The following HEPHL1 variants were observed in gnomAD, a reference collection of about 807,000 sequenced individuals.
HEPHL1 encodes the protein hephaestin like 1, also known as ferroxidase HEPHL1.
In HEPHL1, 123 loss-of-function variants were observed where a neutral mutation model predicts 122.0. The ratio of observed to expected loss-of-function variants is 1.01; its 90% CI spans 0.87 to 1.17. The LOEUF (loss-of-function observed/expected upper bound fraction) is 1.17. Among genes scored for constraint, HEPHL1 ranks in the 50% most tolerant of loss-of-function variants. The pLI is 0.00. For missense variants in HEPHL1, 1,452 were observed against 1,430.5 expected (o/e 1.01, Z -0.24); for synonymous variants, 527 against 508.9 (o/e 1.04, Z -0.48).
chr11:94,079,392 A>C (rs1251623988), intron 9 of HEPHL1, among the ~76,000 whole-genome samples: 2 of 152,206 alleles, frequency 1.3e-5, no homozygotes. Flanking sequence ...TTTTATTCTG[A>C]AAAATTTCAA....
At chr11:94,025,279 C>T (rs1945614973) in intron 1 of HEPHL1, among the ~76,000 whole-genome samples, 1 of 152,148 alleles carries the variant, frequency 6.6e-6, no homozygotes, top group Non-Finnish European at 1.5e-5. Flanking sequence ...ATATACTTCT[C>T]CTCCTCCTTG....
At chr11:94,040,187 C>T (rs1274789463) in intron 1 of HEPHL1, among the ~76,000 whole-genome samples, 2 of 74,218 alleles carry the variant, frequency 2.7e-5, no homozygotes, top group Admixed American at 2.8e-4. Context: ...AGTTGAATCT[C>T]TGAATAGACC....
chr11:94,098,224 C>A (rs529902288), intron 13 of HEPHL1, among the ~76,000 whole-genome samples: 2 of 152,324 alleles, frequency 1.3e-5, no homozygotes, highest in East Asian at 3.9e-4. Context: ...GTGACAAAAT[C>A]TCTCAGCATT....
chr11:94,084,588 T>C (rs1473841319), intron 10 of HEPHL1, among the ~76,000 whole-genome samples: 1 of 152,160 alleles, frequency 6.6e-6, no homozygotes, highest in Non-Finnish European at 1.5e-5. Flanking sequence ...ATTCAAAATA[T>C]GTTTATTGAA....
In HEPHL1 at chr11:94,052,676, T is replaced by TTAGTAC. The variant is rs1321183944; in HGVS notation, c.415+6760_415+6761insAGTACT. On this transcript the variant is annotated intron_variant, in intron 2 of 19. Transcript: ENST00000315765. ...TGTATTCCTAGTTTGTTGAGAGTTT[T>TTAGTAC]TCACTAAGTAAGTACTGGATTTTTT... 9.3e-4 allele frequency among the ~76,000 whole-genome samples: 141 copies of TTAGTAC among 152,250 alleles called. 1 individual carries two copies. The highest frequency in any genetic ancestry group is 3.4e-3 in the African/African-American group (140 of 41,590).
chr11:94,067,893 T>C, intron 5 of HEPHL1, 143 bp downstream of exon 5: 1 of 692,226 alleles, frequency 1.4e-6, no homozygotes, highest in South Asian at 2.0e-5. Flanking sequence ...CAGGAAAATA[T>C]AACGCTCATC....
intron 1 of HEPHL1, 142 bp from the exon 2 acceptor site, chr11:94,045,531 C>A (rs1945826080): frequency 3.0e-6 from 2 of 673,834 alleles, no homozygotes; most frequent in African/African-American, 1.8e-5. Context: ...TGAGGATAAT[C>A]TTCCGAGCCC....
At chr11:94,075,034 A>G in intron 8 of HEPHL1, 140 bp from the exon 9 acceptor site, 3 of 647,958 alleles carry the variant, frequency 4.6e-6, no homozygotes, top group Non-Finnish European at 5.4e-6. Context: ...CTCTTCTGGT[A>G]GGATACATAA....
At chr11:94,034,963 A>G (rs1945708272) in intron 1 of HEPHL1, among the ~76,000 whole-genome samples, 1 of 152,192 alleles carries the variant, frequency 6.6e-6, no homozygotes, top group African/African-American at 2.4e-5. Context: ...TCCTTCCAAA[A>G]TTGTCTTCCC....
At chr11:94,105,780 A>T (rs1946403009) in intron 16 of HEPHL1, among the ~76,000 whole-genome samples, 2 of 152,070 alleles carry the variant, frequency 1.3e-5, no homozygotes. Flanking sequence ...TAAAACTGCT[A>T]TTTCTCTGTT....
Position 94,085,999 on chromosome 11 carries a change from C to A in HEPHL1, c.1890C>A (p.Gly630=). ...TAGCTGTTAACGGCTACATGTATGG[C>A]AACCAGCCAGGCTTAAACATGTGTA... The part of the protein sequence containing the change: ...RMHAVNGYMY[G]NQPGLNMCKR... Residue 630 remains glycine, a synonymous_variant, in exon 11 of 20, where the codon GGC becomes GGA. Coordinates refer to ENST00000315765, the MANE Select transcript of HEPHL1 (RefSeq NM_001098672.2). The A allele has an allele frequency of 6.2e-7, 1 of 1,613,840 alleles. No individual in the cohort carries two copies. Among genetic ancestry groups the A allele is most frequent in the Non-Finnish European group, 8.5e-7 (1 of 1,179,810 alleles).
intron 4 of HEPHL1, among the ~76,000 whole-genome samples, chr11:94,066,088 C>T (rs1946032229): frequency 6.6e-6 from 1 of 152,154 alleles, no homozygotes; most frequent in Non-Finnish European, 1.5e-5. Flanking sequence ...GTCCCACCTA[C>T]TTGTGATGCT....
At chr11:94,087,484 A>G (rs773424618) in intron 11 of HEPHL1, among the ~76,000 whole-genome samples, 2 of 152,210 alleles carry the variant, frequency 1.3e-5, no homozygotes, top group Non-Finnish European at 2.9e-5. Flanking sequence ...CTATAAGTCA[A>G]GAAGGAGGGT....
At chr11:94,064,809 G>A (rs149092281) in intron 4 of HEPHL1, among the ~76,000 whole-genome samples, 291 of 152,302 alleles carry the variant, frequency 1.9e-3, no homozygotes, top group African/African-American at 6.7e-3. Context: ...TGCCTGAGGT[G>A]AGCCCAGAGC....
Position 94,107,232 on chromosome 11 carries a change from T to A in HEPHL1, c.3045+1102T>A, listed in dbSNP as rs576228896. ...CATTTAATATCCTTTCTCCTTTGTATATTTCAACGTTGTTTACGACACCAA... is the reference window on the plus strand; with the variant it reads ...CATTTAATATCCTTTCTCCTTTGTAAATTTCAACGTTGTTTACGACACCAA... On this transcript the variant is annotated intron_variant, in intron 17 of 19. Coordinates refer to ENST00000315765, the MANE Select transcript of HEPHL1 (RefSeq NM_001098672.2). Among the ~76,000 whole-genome samples, 4 of 152,366 alleles carry A rather than the reference T, an allele frequency of 2.6e-5. No homozygotes were observed. In the South Asian group the frequency reaches 8.3e-4, roughly 32 times the overall value.
At chr11:94,093,797 T>C (rs1946281913) in intron 13 of HEPHL1, among the ~76,000 whole-genome samples, 157 bp downstream of exon 13, 1 of 151,480 alleles carries the variant, frequency 6.6e-6, no homozygotes, top group Non-Finnish European at 1.5e-5. Flanking sequence ...TCTACCATTA[T>C]CAGGGAGTGT....
intron 3 of HEPHL1, 22 bp from the exon 4 acceptor site, chr11:94,064,309 C>T: frequency 1.9e-6 from 3 of 1,581,718 alleles, no homozygotes; most frequent in East Asian, 2.2e-5. Flanking sequence ...TTTCTCTCTA[C>T]TCTTTTGAAT....
intron 1 of HEPHL1, among the ~76,000 whole-genome samples, chr11:94,044,495 A>G (rs376124660): frequency 6.6e-6 from 1 of 152,054 alleles, no homozygotes; most frequent in Non-Finnish European, 1.5e-5. Flanking sequence ...TCCAAGATAA[A>G]TTTTAAATTC....
At position 94,063,661 on chromosome 11, in the gene HEPHL1, T is replaced by C. The variant is rs1474448908; in HGVS notation, c.569T>C (p.Ile190Thr). The change falls in exon 3 of 20, where the codon ATC becomes ACC. Residue 190 changes from isoleucine to threonine, a missense_variant. By Grantham distance (89) the Ile-to-Thr change is moderately conservative. Transcript: ENST00000315765. ...NCLTWVYHSH[I>T]DAPKDICSGL... ...CTGACCTGGGTGTACCATTCGCACATCGACGCCCCAAAGGACATCTGCTCT... is the reference window on the plus strand; with the variant it reads ...CTGACCTGGGTGTACCATTCGCACACCGACGCCCCAAAGGACATCTGCTCT... The C allele has an allele frequency of 6.2e-7, 1 of 1,613,730 alleles. No homozygotes were observed. The highest frequency in any genetic ancestry group is 1.3e-5 in the African/African-American group (1 of 74,898).
Sources: gnomAD v4.1 joint callset for allele counts (sites outside exome capture counted in the v4.1 genomes callset) on GRCh38, gnomAD v4.1.1 for gene constraint, MANE v1.5 for transcripts, NCBI Gene and HGNC (gene_info 2026-07-23, HGNC 2026-07-21) for gene names.